The following HDX variants were observed in gnomAD, a reference collection of about 807,000 sequenced individuals.
HDX encodes the protein chromosome X open reading frame 43.
HDX carries 19 observed loss-of-function variants against 45.2 expected under a neutral mutation model. That is an observed-to-expected ratio of 0.42 (90% CI 0.29 to 0.62). The LOEUF (loss-of-function observed/expected upper bound fraction) is 0.62. Among genes scored for constraint, HDX ranks in the 20% least tolerant of loss-of-function variants. HDX has a pLI of 0.20. For missense variants in HDX, 532 were observed against 493.9 expected (o/e 1.08, Z -0.73); for synonymous variants, 188 against 172.8 (o/e 1.09, Z -0.69).
chrX:84,491,175 T>A (rs903509344), intron 1 of HDX, among the ~76,000 whole-genome samples: 1 of 111,936 alleles, frequency 8.9e-6, no homozygotes, highest in African/African-American at 3.2e-5. Context: ...GGATGGTAGG[T>A]TGAATGACAT....
chrX:84,422,015 CAA>C (rs757231418), intron 5 of HDX, among the ~76,000 whole-genome samples: 4 of 87,531 alleles, frequency 4.6e-5, no homozygotes, highest in Non-Finnish European at 4.6e-5. Flanking sequence ...AAGGAACCAA[CAA>C]AAAAAAAAAA....
chrX:84,421,140 C>T (rs949269337), intron 5 of HDX, among the ~76,000 whole-genome samples: 2 of 111,773 alleles, frequency 1.8e-5, no homozygotes, highest in East Asian at 5.6e-4. Context: ...TATTATAACA[C>T]TGTAACTGTC....
intron 5 of HDX, among the ~76,000 whole-genome samples, chrX:84,415,423 G>C (rs1047324997): frequency 9.0e-6 from 1 of 111,552 alleles, no homozygotes; most frequent in Admixed American, 9.6e-5. Context: ...TGGTAGCATT[G>C]GTTCCTGTTT....
At position 84,333,827 on chromosome X, in the gene HDX, CAAT is replaced by C; in HGVS notation, c.1753_1755del (p.Ile585del). 1.1e-6 allele frequency: 1 copy of C among 925,972 alleles called. No individual in the cohort carries two copies. The highest frequency in any genetic ancestry group is 1.5e-6 in the Non-Finnish European group (1 of 649,941). The allele number at this position is 925,972 out of a possible 1,213,427, so 76.3% of individuals were successfully genotyped here. ...CTTATCATGTCACTTTCTTCATCATCAATAATTTCTATTTTCTGTAACACAAGT... is the reference window on the plus strand; with the variant it reads ...CTTATCATGTCACTTTCTTCATCATCAATTTCTATTTTCTGTAACACAAGT... On this transcript the variant is annotated inframe_deletion, in exon 9 of 11. Transcript: ENST00000373177.
chrX:84,418,462 G>C (rs982010948), intron 5 of HDX, among the ~76,000 whole-genome samples: 1 of 111,613 alleles, frequency 9.0e-6, no homozygotes, highest in Non-Finnish European at 1.9e-5. Flanking sequence ...GGGTACAAAA[G>C]TAACTGTGGT....
In HDX at chrX:84,321,106, G is replaced by T. The variant is rs1237586096; in HGVS notation, c.*783C>A. On this transcript the variant is annotated 3_prime_UTR_variant, in exon 11 of 11. Coordinates refer to ENST00000373177, the MANE Select transcript of HDX (RefSeq NM_001177479.2). ...TTTGTGTAACACTTCATCTAACCCA[G>T]GTATACAAATTTACTACTGGAATGT... is the stretch of plus-strand genomic sequence containing the variant. 9.0e-6 allele frequency: 1 copy of T among 110,732 alleles called. No individual in the cohort carries two copies. Among genetic ancestry groups the T allele is most frequent in the Non-Finnish European group, 1.9e-5 (1 of 52,431 alleles). The allele number at this position is 110,732 out of a possible 1,213,427, so 9.1% of individuals were successfully genotyped here.
intron 6 of HDX, among the ~76,000 whole-genome samples, chrX:84,352,089 G>A (rs1187688180): frequency 8.9e-6 from 1 of 111,885 alleles, no homozygotes; most frequent in African/African-American, 3.2e-5. Context: ...ATACAATAGG[G>A]CTACATAAAT....
chrX:84,460,834 CTGAGT>C (rs1003694125), intron 4 of HDX, among the ~76,000 whole-genome samples: 3 of 112,090 alleles, frequency 2.7e-5, no homozygotes, highest in African/African-American at 6.5e-5. Flanking sequence ...AATAAACAAA[CTGAGT>C]TAAGTTGCAG....
chrX:84,341,135 C>T (rs894270661), intron 7 of HDX, among the ~76,000 whole-genome samples: 2 of 110,890 alleles, frequency 1.8e-5, no homozygotes, highest in Non-Finnish European at 3.8e-5. Flanking sequence ...ACCCACTCAA[C>T]CACAGAAACA....
intron 5 of HDX, among the ~76,000 whole-genome samples, chrX:84,428,079 TA>T (rs2039422690): frequency 9.0e-6 from 1 of 110,794 alleles, no homozygotes; most frequent in Admixed American, 9.7e-5. Flanking sequence ...GCCATCTCTA[TA>T]TCTCCTTTGG....
At position 84,384,800 on chromosome X, in the gene HDX, C is replaced by A. The variant is rs186675498; in HGVS notation, c.1306-23188G>T. 9.1e-4 allele frequency among the ~76,000 whole-genome samples: 101 copies of A among 110,817 alleles called. 1 individual carries two copies. Among genetic ancestry groups the A allele is most frequent in the Non-Finnish European group, 1.5e-3 (78 of 52,852 alleles). ...GAATAGGGAGTACTTTTCCTATTTT[C>A]TGTTTTTCTTGGTCTTGTTAAAGAT... On this transcript the variant is annotated intron_variant, in intron 5 of 10. Coordinates refer to ENST00000373177, the MANE Select transcript of HDX (RefSeq NM_001177479.2).
chrX:84,465,675 C>A (rs180806994), intron 4 of HDX, among the ~76,000 whole-genome samples: 2 of 111,168 alleles, frequency 1.8e-5, no homozygotes, highest in Non-Finnish European at 3.8e-5. Context: ...CGTTGGGGGG[C>A]GGGTGCCTAG....
intron 5 of HDX, among the ~76,000 whole-genome samples, chrX:84,366,354 C>T (rs2037754072): frequency 8.9e-6 from 1 of 112,005 alleles, no homozygotes. Flanking sequence ...AAATGAAAAA[C>T]GTTCCATGCT....
At chrX:84,397,363 A>C (rs751284664) in intron 5 of HDX, among the ~76,000 whole-genome samples, 2 of 111,795 alleles carry the variant, frequency 1.8e-5, no homozygotes, top group African/African-American at 6.5e-5. Flanking sequence ...GTTGCCTAGA[A>C]CTTGGAGCAG....
chrX:84,398,641 G>A (rs1485615681), intron 5 of HDX, among the ~76,000 whole-genome samples: 1 of 111,627 alleles, frequency 9.0e-6, no homozygotes, highest in Non-Finnish European at 1.9e-5. Flanking sequence ...TCACCCTACT[G>A]TCAATATTAG....
At chrX:84,371,062 A>C (rs1236509458) in intron 5 of HDX, among the ~76,000 whole-genome samples, 3 of 112,068 alleles carry the variant, frequency 2.7e-5, no homozygotes, top group Non-Finnish European at 5.6e-5. Context: ...CAAACATTTA[A>C]AGCCAGAAAT....
intron 6 of HDX, among the ~76,000 whole-genome samples, chrX:84,357,114 A>T (rs752316518): frequency 1.3e-4 from 14 of 111,807 alleles, no homozygotes; most frequent in African/African-American, 4.5e-4. Context: ...TGAAAAACTC[A>T]GTAGAGAAAT....
chrX:84,474,473 C>A (rs148401470), intron 3 of HDX, among the ~76,000 whole-genome samples: 1,159 of 111,489 alleles, frequency 0.01, 23 homozygotes, highest in African/African-American at 0.037. Flanking sequence ...CGAAAGCAAA[C>A]TAAACTTAAG....
At chrX:84,425,203 T>C (rs5967482) in intron 5 of HDX, among the ~76,000 whole-genome samples, 28,654 of 111,085 alleles carry the variant, frequency 0.26, 2,871 homozygotes, top group East Asian at 0.65. Flanking sequence ...ATGACAGAGA[T>C]ATATGAAAAT....
Sources: gnomAD v4.1 joint callset for allele counts (sites outside exome capture counted in the v4.1 genomes callset) on GRCh38, gnomAD v4.1.1 for gene constraint, MANE v1.5 for transcripts, NCBI Gene and HGNC (gene_info 2026-07-23, HGNC 2026-07-21) for gene names.